DISC1: variants seen among roughly 807,000 people sequenced by gnomAD.
DISC1 encodes DISC1 scaffold protein.
Under a neutral mutation model 84.5 loss-of-function variants are expected in DISC1, and 57 were observed. That is an observed-to-expected ratio of 0.67 (90% CI 0.55 to 0.84). The LOEUF is 0.84. Ranked by LOEUF, DISC1 falls within the 40% of genes least tolerant of loss-of-function variation. DISC1 has a pLI of 0.00. For synonymous variants in DISC1, 411 were observed against 415.2 expected (o/e 0.99, Z 0.12); for missense variants, 1,000 against 1,057.8 (o/e 0.95, Z 0.76).
At chr1:231,764,852 G>A (rs749335122) in intron 4 of DISC1, among the ~76,000 whole-genome samples, 2 of 152,166 alleles carry the variant, frequency 1.3e-5, no homozygotes, top group African/African-American at 4.8e-5. Context: ...AGGCCAGTTT[G>A]TTAGGTGAAA....
chr1:231,780,266 GA>G (rs915049994), intron 6 of DISC1, among the ~76,000 whole-genome samples: 194 of 137,160 alleles, frequency 1.4e-3, no homozygotes, highest in African/African-American at 4.7e-3. Flanking sequence ...AGGAAAGAAT[GA>G]AAAAAAAAAG....
intron 10 of DISC1, among the ~76,000 whole-genome samples, chr1:231,974,639 T>C (rs1444988190): frequency 6.6e-6 from 1 of 152,232 alleles, no homozygotes; most frequent in Non-Finnish European, 1.5e-5. Flanking sequence ...AAGCATGAAT[T>C]TAAATTCTTA....
chr1:231,654,091 T>C lies in DISC1; in HGVS notation c.67+27157T>C, dbSNP rs533083639. On this transcript the variant is annotated intron_variant, in intron 1 of 12. Transcript: ENST00000439617. ...CAGTTGGTCTCCATGGTCCGAGCTC[T>C]GTCCTGGCAAGTTCCTTCTTGCACT... Among the ~76,000 whole-genome samples, 23 of 152,296 alleles carry C rather than the reference T, an allele frequency of 1.5e-4. No individual in the cohort carries two copies. The South Asian group carries it at 4.1e-3, about 27-fold the overall frequency.
intron 8 of DISC1, among the ~76,000 whole-genome samples, chr1:231,806,740 A>G (rs753206900): frequency 3.3e-5 from 5 of 152,242 alleles, no homozygotes; most frequent in African/African-American, 4.8e-5. Flanking sequence ...GAAGATCTCA[A>G]AAAAGAGCAG....
At chr1:231,720,365 G>T (rs994569147) in intron 3 of DISC1, among the ~76,000 whole-genome samples, 1 of 151,860 alleles carries the variant, frequency 6.6e-6, no homozygotes, top group Non-Finnish European at 1.5e-5. Flanking sequence ...TTTAAGACAG[G>T]GTCTCGCTTT....
intron 9 of DISC1, among the ~76,000 whole-genome samples, chr1:231,871,872 C>G (rs1412280333): frequency 6.6e-6 from 1 of 152,204 alleles, no homozygotes; most frequent in African/African-American, 2.4e-5. Context: ...CATTTCCCAA[C>G]AACTCTTTCT....
At chr1:231,668,622 A>G (rs995433713) in intron 1 of DISC1, among the ~76,000 whole-genome samples, 1 of 152,186 alleles carries the variant, frequency 6.6e-6, no homozygotes, top group Non-Finnish European at 1.5e-5. Flanking sequence ...TCCCTTTGTT[A>G]TAAAGACAGA....
chr1:232,033,037 T>C (rs966161827), intron 12 of DISC1, among the ~76,000 whole-genome samples: 3 of 152,158 alleles, frequency 2.0e-5, no homozygotes, highest in Non-Finnish European at 4.4e-5. Context: ...TCAATATGAA[T>C]GCCAGACTTA....
At chr1:231,729,780 T>A (rs1218037373) in intron 3 of DISC1, among the ~76,000 whole-genome samples, 1 of 151,694 alleles carries the variant, frequency 6.6e-6, no homozygotes, top group Non-Finnish European at 1.5e-5. Context: ...AAGCTGTTCC[T>A]GCTGCCATGT....
At chr1:231,627,069 G>A (rs934369801) in intron 1 of DISC1, 135 bp downstream of exon 1, 1 of 591,982 alleles carries the variant, frequency 1.7e-6, no homozygotes, top group Admixed American at 4.0e-5. Flanking sequence ...GGGAAACTGA[G>A]GCAGGACGCG....
At chr1:231,758,996 A>G (rs2075392720) in intron 4 of DISC1, among the ~76,000 whole-genome samples, 1 of 152,194 alleles carries the variant, frequency 6.6e-6, no homozygotes, top group Non-Finnish European at 1.5e-5. Context: ...CAAGCAAACA[A>G]AATATAACAA....
chr1:231,780,252 G>GGAAAAAAAAAAAAAAAAAAA (rs2077312949), intron 6 of DISC1, among the ~76,000 whole-genome samples: 1 of 120,238 alleles, frequency 8.3e-6, no homozygotes. Flanking sequence ...AAAAAAAAAA[G>GGAAAAAAAAAAAAAAAAAAA]AAAAGGAAAG....
At chr1:231,892,791 T>A (rs1222977675) in intron 9 of DISC1, among the ~76,000 whole-genome samples, 1 of 151,902 alleles carries the variant, frequency 6.6e-6, no homozygotes, top group African/African-American at 2.4e-5. Flanking sequence ...AATAAATAAA[T>A]AACGGGGAGA....
At chr1:231,779,629 A>G (rs1289782605) in intron 6 of DISC1, among the ~76,000 whole-genome samples, 1 of 135,868 alleles carries the variant, frequency 7.4e-6, no homozygotes, top group African/African-American at 2.8e-5. Context: ...GGTGCATCTC[A>G]GCTCACTGCA....
intron 9 of DISC1, chr1:231,855,284 CAT>C (rs35424273): frequency 0.19 from 175,059 of 943,880 alleles, 16,912 homozygotes; most frequent in Middle Eastern, 0.28. Context: ...TTCTATATAA[CAT>C]ATGTATATTT....
intron 3 of DISC1, among the ~76,000 whole-genome samples, chr1:231,733,105 A>ATGGTAGGAGTGGTGGTTGTAGCAGAGT (rs2071797626): frequency 1.1e-4 from 1 of 9,276 alleles, no homozygotes; most frequent in Non-Finnish European, 2.3e-4. Context: ...AGAGTTGGTG[A>ATGGTAGGAGTGGTGGTTGTAGCAGAGT]TGGTGGTAGT....
Position 231,818,907 on chromosome 1 carries a change from G to C in DISC1, c.1981+390G>C, listed in dbSNP as rs988666650. The C allele has an allele frequency of 2.9e-6, 3 of 1,020,614 alleles. No individual in the cohort carries two copies. In the African/African-American group the frequency reaches 5.2e-5, roughly 18 times the overall value. The allele number at this position is 1,020,614 out of a possible 1,614,324, so 63.2% of individuals were successfully genotyped here. On this transcript the variant is annotated intron_variant, in intron 9 of 12. Coordinates refer to ENST00000439617, the MANE Select transcript of DISC1 (RefSeq NM_018662.3). ...CATAGACTAAATCAGGCTGATCTGA[G>C]AAAATTGAGGGAAGACCATAAAGTG... is the stretch of plus-strand genomic sequence containing the variant.
chr1:231,837,459 C>A (rs1240195414), intron 9 of DISC1, among the ~76,000 whole-genome samples: 2 of 152,176 alleles, frequency 1.3e-5, no homozygotes, highest in East Asian at 1.9e-4. Flanking sequence ...AAAGCAAATT[C>A]TCCTCTGTCT....
At chr1:231,724,134 C>T (rs1370765809) in intron 3 of DISC1, 4 of 648,438 alleles carry the variant, frequency 6.2e-6, no homozygotes, top group Non-Finnish European at 7.7e-6. Context: ...GGCCTTGGTA[C>T]TTCATTTGGC....
Sources: allele counts gnomAD v4.1 joint callset (sites outside exome capture counted in the v4.1 genomes callset), GRCh38; gene constraint gnomAD v4.1.1; transcripts MANE v1.5; gene names NCBI Gene and HGNC (gene_info 2026-07-23, HGNC 2026-07-21).